FN1: variants seen among roughly 807,000 people sequenced by gnomAD.
FN1 encodes the protein fibronectin.
FN1 carries 106 observed loss-of-function variants against 297.3 expected under a neutral mutation model. The ratio of observed to expected loss-of-function variants is 0.36; its 90% CI spans 0.30 to 0.42. The LOEUF (loss-of-function observed/expected upper bound fraction) is 0.42. FN1 is among the 10% of genes least tolerant of loss of function. The pLI, the probability that FN1 is intolerant of heterozygous loss-of-function variation, is 1.00. For missense variants in FN1, 2,690 were observed against 3,124.9 expected (o/e 0.86, Z 3.32); for synonymous variants, 1,149 against 1,152.6 (o/e 1.00, Z 0.06).
chr2:215,387,079 T>C (rs1254831856), intron 27 of FN1, 121 bp from the exon 28 acceptor site: 9 of 826,412 alleles, frequency 1.1e-5, no homozygotes, highest in Non-Finnish European at 1.7e-5. Context: ...GTCTCATCAA[T>C]ACCATGATTT....
chr2:215,430,066 T>C (rs2066222463), intron 5 of FN1, among the ~76,000 whole-genome samples: 1 of 152,246 alleles, frequency 6.6e-6, no homozygotes, highest in South Asian at 2.1e-4. Flanking sequence ...TGAATTTGGA[T>C]GATGGCTATG....
intron 11 of FN1, 135 bp downstream of exon 11, chr2:215,420,538 T>C: frequency 9.0e-7 from 1 of 1,114,906 alleles, no homozygotes. Context: ...GAGAAGACTT[T>C]GCAAAGTTCT....
intron 9 of FN1, among the ~76,000 whole-genome samples, chr2:215,423,105 A>G (rs1443792999): frequency 6.6e-6 from 1 of 152,122 alleles, no homozygotes; most frequent in East Asian, 1.9e-4. Flanking sequence ...ACATTAAATC[A>G]TGTCAATGAG....
intron 38 of FN1, among the ~76,000 whole-genome samples, chr2:215,374,003 G>A (rs1360419923): frequency 6.6e-6 from 1 of 152,060 alleles, no homozygotes; most frequent in Admixed American, 6.6e-5. Context: ...TTCTTTTAAC[G>A]TGGTCTTATT....
At chr2:215,367,462 T>C (rs1349392813) in intron 42 of FN1, among the ~76,000 whole-genome samples, 1 of 152,212 alleles carries the variant, frequency 6.6e-6, no homozygotes, top group African/African-American at 2.4e-5. Flanking sequence ...GGAGGCTGTT[T>C]TTGAGTCTAA....
In FN1 at chr2:215,410,130, AACACACACACACAC is replaced by A; in HGVS notation, c.1942-30_1942-17del. 1 of 1,423,004 alleles carries A rather than the reference AACACACACACACAC, an allele frequency of 7.0e-7. No individual in the cohort carries two copies. Among genetic ancestry groups the A allele is most frequent in the South Asian group, 1.2e-5 (1 of 80,546 alleles). 88.1% of individuals were successfully genotyped at this position (1,423,004 alleles called of 1,614,324 possible). ...CAGAATTTTTCTGAAAATTTAAATT[AACACACACACACAC>A]ACACACACGTGTTTACAAGGATGAA... On this transcript the variant is annotated splice_polypyrimidine_tract_variant and intron_variant, in intron 13 of 45. Coordinates refer to ENST00000354785, the MANE Select transcript of FN1 (RefSeq NM_212482.4).
intron 20 of FN1, among the ~76,000 whole-genome samples, chr2:215,400,687 G>A (rs986067573): frequency 7.3e-6 from 1 of 136,996 alleles, no homozygotes; most frequent in Admixed American, 8.1e-5. Context: ...GGGAGATGGA[G>A]GTTTCAGTGA....
chr2:215,378,177 T>C lies in FN1; in HGVS notation c.5708A>G (p.Glu1903Gly). The C allele has an allele frequency of 1.3e-6, 2 of 1,571,362 alleles. No homozygotes were observed. Among genetic ancestry groups the C allele is most frequent in the Non-Finnish European group, 1.8e-6 (2 of 1,141,628 alleles). Residue 1903 changes from glutamate to glycine, a missense_variant and splice_region_variant, in exon 35 of 46, where the codon GAG becomes GGG. By Grantham distance (98) the Glu-to-Gly change is moderately conservative (BLOSUM62 -2). This residue lies in a region of FN1 where 1,743 missense variants were observed against 1,945.2 expected (regional missense o/e 0.90). Coordinates refer to ENST00000354785, the MANE Select transcript of FN1 (RefSeq NM_212482.4). ...RPAQGVVTTL[E>G]NVSPPRRARV... ...TATGAAGACATTTTGTTACTTACTC[T>C]CCAGAGTGGTGACAACTCCCTGAGC...
intron 8 of FN1, among the ~76,000 whole-genome samples, 182 bp downstream of exon 8, chr2:215,423,964 T>C (rs907906263): frequency 1.4e-4 from 21 of 152,160 alleles, no homozygotes; most frequent in African/African-American, 3.9e-4. Context: ...TTCCCAACAG[T>C]ACTGGGGAAG....
chr2:215,424,910 A>T (rs1396509232), intron 7 of FN1, among the ~76,000 whole-genome samples, 184 bp downstream of exon 7: 1 of 152,236 alleles, frequency 6.6e-6, no homozygotes, highest in African/African-American at 2.4e-5. Context: ...CATGACCAGA[A>T]AGAAAATACA....
intron 20 of FN1, among the ~76,000 whole-genome samples, chr2:215,401,612 T>C (rs1439561289): frequency 6.6e-6 from 1 of 152,166 alleles, no homozygotes; most frequent in Non-Finnish European, 1.5e-5. Context: ...TACTAAATTA[T>C]GAATGGCTGG....
intron 13 of FN1, among the ~76,000 whole-genome samples, chr2:215,411,362 A>T (rs1057262782): frequency 2.0e-5 from 3 of 152,218 alleles, no homozygotes; most frequent in African/African-American, 7.2e-5. Flanking sequence ...CCATTTCCTC[A>T]ATAATTCAAA....
intron 7 of FN1, among the ~76,000 whole-genome samples, chr2:215,424,601 C>T (rs1177175646): frequency 6.6e-6 from 1 of 152,140 alleles, no homozygotes; most frequent in African/African-American, 2.4e-5. Context: ...TATATTTATA[C>T]AGGTCAATTA....
intron 7 of FN1, among the ~76,000 whole-genome samples, 169 bp from the exon 8 acceptor site, chr2:215,424,494 C>T (rs1270304051): frequency 1.3e-5 from 2 of 152,140 alleles, no homozygotes; most frequent in African/African-American, 2.4e-5. Context: ...ACTCAGGAAT[C>T]CATGTCTACT....
intron 36 of FN1, among the ~76,000 whole-genome samples, chr2:215,376,021 C>G (rs1451689534): frequency 2.6e-5 from 4 of 152,162 alleles, no homozygotes; most frequent in Non-Finnish European, 5.9e-5. Context: ...TTGAGGTTTT[C>G]TCTTTACCGT....
In FN1 at chr2:215,423,534, G is replaced by T. The variant is rs1483052638; in HGVS notation, c.1217-8C>A. ...CTCGAGTCTGAACCAAAACTGCCAG[G>T]AACAATACACAACAAAGAAGGAAAA... On this transcript the variant is annotated splice_polypyrimidine_tract_variant and splice_region_variant and intron_variant, in intron 8 of 45. Coordinates refer to ENST00000354785, the MANE Select transcript of FN1 (RefSeq NM_212482.4). 3.1e-6 allele frequency: 5 copies of T among 1,613,562 alleles called. No individual in the cohort carries two copies. Among genetic ancestry groups the T allele is most frequent in the Non-Finnish European group, 3.4e-6 (4 of 1,179,610 alleles).
Position 215,376,683 on chromosome 2 carries a change from G to C in FN1, c.5711-9C>G. The C allele has an allele frequency of 4.3e-6, 7 of 1,613,124 alleles. No individual in the cohort carries two copies. The highest frequency in any genetic ancestry group is 1.1e-5 in the South Asian group (1 of 91,042). ...TCTTGGTGGGCTGACATCTGCACAG[G>C]AGCATAGCTAGAGATTAGTGCCTGC... On this transcript the variant is annotated splice_polypyrimidine_tract_variant and intron_variant, in intron 35 of 45. Coordinates refer to ENST00000354785, the MANE Select transcript of FN1 (RefSeq NM_212482.4).
At chr2:215,368,098 G>T in intron 41 of FN1, 71 bp from the exon 42 acceptor site, 1 of 1,474,338 alleles carries the variant, frequency 6.8e-7, no homozygotes, top group South Asian at 1.2e-5. Context: ...GAAGAAAATC[G>T]AATGACTGTA....
Position 215,391,663 on chromosome 2 carries a change from A to T in FN1, c.4221T>A (p.Ile1407=). 1 of 1,614,108 alleles carries T rather than the reference A, an allele frequency of 6.2e-7. No individual in the cohort carries two copies. The highest frequency in any genetic ancestry group is 8.5e-7 in the Non-Finnish European group (1 of 1,179,976). ...AGACCACTGCATTGTCTGAAGGAGA[A>T]ATTGACAACTCTGCAACATCTTCCT... ...KNEEDVAELS[I]SPSDNAVVLT... is the part of the protein sequence containing the mutation. Residue 1407 remains isoleucine (I), a synonymous_variant, in exon 26 of 46, where the codon ATT becomes ATA. Coordinates refer to ENST00000354785, the MANE Select transcript of FN1 (RefSeq NM_212482.4).
Sources: allele counts gnomAD v4.1 joint callset (sites outside exome capture counted in the v4.1 genomes callset), GRCh38; gene constraint gnomAD v4.1.1; regional missense constraint gnomAD v4.1.1; transcripts MANE v1.5; gene names NCBI Gene and HGNC (gene_info 2026-07-23, HGNC 2026-07-21).